The following F11 variants were observed in gnomAD, a reference collection of about 807,000 sequenced individuals.
The protein encoded by F11 is coagulation factor XI.
A neutral mutation model predicts 76.5 loss-of-function variants in F11; 78 were observed. That is an observed-to-expected ratio of 1.02 (90% CI 0.85 to 1.23). F11 has a LOEUF of 1.23. Among genes scored for constraint, F11 ranks in the 50% most tolerant of loss-of-function variants. The pLI is 0.00. For missense variants in F11, 742 were observed against 771.4 expected (o/e 0.96, Z 0.45); for synonymous variants, 278 against 276.3 (o/e 1.01, Z -0.06).
intron 2 of F11, among the ~76,000 whole-genome samples, chr4:186,270,461 G>C (rs561798912): frequency 2.0e-5 from 3 of 151,972 alleles, no homozygotes; most frequent in Non-Finnish European, 2.9e-5. Context: ...TATATTATGC[G>C]GCGGTGAAGT....
intron 7 of F11, among the ~76,000 whole-genome samples, chr4:186,276,834 C>T (rs1247139037): frequency 6.6e-6 from 1 of 152,032 alleles, no homozygotes; most frequent in Middle Eastern, 3.2e-3. Flanking sequence ...GGTGATCCAC[C>T]TGCCTCGGCC....
In F11 at chr4:186,271,590, G is replaced by T. The variant is rs1198389637; in HGVS notation, c.56-19G>T. ...CCCAGTAAAATCCAACATAACGCATGCCATGTACTACATCACAGAATGTGT... is the reference window on the plus strand; with the variant it reads ...CCCAGTAAAATCCAACATAACGCATTCCATGTACTACATCACAGAATGTGT... On this transcript the variant is annotated intron_variant, in intron 2 of 14. Coordinates refer to ENST00000403665, the MANE Select transcript of F11 (RefSeq NM_000128.4). 6.2e-7 allele frequency: 1 copy of T among 1,613,916 alleles called. No individual in the cohort carries two copies. Among genetic ancestry groups the T allele is most frequent in the Non-Finnish European group, 8.5e-7 (1 of 1,179,930 alleles).
rs1211810406 is a variant in F11 at position 186,287,673 on chromosome 4, AT to A, written c.1577-4del. 1.2e-6 allele frequency: 2 copies of A among 1,605,122 alleles called. No individual in the cohort carries two copies. The highest frequency in any genetic ancestry group is 8.5e-7 in the Non-Finnish European group (1 of 1,174,704). On this transcript the variant is annotated splice_polypyrimidine_tract_variant and intron_variant, in intron 13 of 14. Coordinates refer to ENST00000403665, the MANE Select transcript of F11 (RefSeq NM_000128.4). ...GTTATTCTACAAACGAACCAAAAAA[AT>A]TTTTTTCAGACAAAATACAAAATAC...
At chr4:186,274,361 G>A (rs1175195845) in intron 5 of F11, 86 bp downstream of exon 5, 2 of 1,558,060 alleles carry the variant, frequency 1.3e-6, no homozygotes, top group African/African-American at 2.7e-5. Flanking sequence ...CTTTATGCCA[G>A]AATTTATTTT....
At chr4:186,269,273 A>G (rs1212932305) in intron 2 of F11, among the ~76,000 whole-genome samples, 11 of 152,226 alleles carry the variant, frequency 7.2e-5, no homozygotes, top group Non-Finnish European at 1.3e-4. Context: ...AAGGGAAAGC[A>G]GGAACTCACA....
Position 186,285,780 on chromosome 4 carries a change from T to A in F11, c.1447T>A (p.Leu483Met). 1 of 1,614,180 alleles carries A rather than the reference T, an allele frequency of 6.2e-7. No individual in the cohort carries two copies. Among genetic ancestry groups the A allele is most frequent in the Non-Finnish European group, 8.5e-7 (1 of 1,180,024 alleles). Residue 483 changes from leucine (L) to methionine (M), a missense_variant, in exon 12 of 15, where the codon TTG becomes ATG. Leu to Met is a conservative substitution (Grantham distance 15, BLOSUM62 2). Coordinates refer to ENST00000403665, the MANE Select transcript of F11 (RefSeq NM_000128.4). ...KMAESGYDIA[L>M]LKLETTVNYT... ...GGCAGAAAGCGGGTATGATATTGCC[T>A]TGTTGAAACTGGAAACCACAGTGAA...
chr4:186,286,092 A>G (rs1741191389), intron 12 of F11: 6 of 537,378 alleles, frequency 1.1e-5, no homozygotes, highest in Non-Finnish European at 1.7e-5. Context: ...TAGTAAAGAT[A>G]ATTTAGTCTA....
intron 5 of F11, chr4:186,275,105 C>T (rs924330835): frequency 3.1e-5 from 14 of 452,758 alleles, no homozygotes; most frequent in Non-Finnish European, 4.0e-5. Context: ...TCAGCTCAGA[C>T]GACAGCTTTT....
chr4:186,281,842 A>G, intron 10 of F11: 1 of 1,197,464 alleles, frequency 8.4e-7, no homozygotes. Flanking sequence ...AGGCGAATCA[A>G]TCCTTAATTT....
intron 10 of F11, among the ~76,000 whole-genome samples, chr4:186,281,530 A>G (rs1288972613): frequency 1.3e-5 from 2 of 152,238 alleles, no homozygotes; most frequent in Admixed American, 6.5e-5. Flanking sequence ...ATTTCTGAGC[A>G]TAGTCACGAG....
At chr4:186,279,113 A>T (rs1033380865) in intron 7 of F11, among the ~76,000 whole-genome samples, 2 of 152,218 alleles carry the variant, frequency 1.3e-5, no homozygotes, top group African/African-American at 4.8e-5. Context: ...GGCTGGGTGC[A>T]GTGGCTCACG....
chr4:186,283,927 C>T (rs991601612), intron 10 of F11, 165 bp from the exon 11 acceptor site: 21 of 462,708 alleles, frequency 4.5e-5, no homozygotes, highest in Non-Finnish European at 5.4e-5. Context: ...TTCCATTTTT[C>T]ATGTGCATGT....
At chr4:186,285,184 C>A (rs2126777296) in intron 11 of F11, among the ~76,000 whole-genome samples, 1 of 152,224 alleles carries the variant, frequency 6.6e-6, no homozygotes, top group East Asian at 1.9e-4. Context: ...CAATCTGCAG[C>A]ACACTCATGT....
At chr4:186,281,266 T>C (rs1210652875) in intron 10 of F11, among the ~76,000 whole-genome samples, 6 of 152,208 alleles carry the variant, frequency 3.9e-5, no homozygotes, top group African/African-American at 7.2e-5. Context: ...GCACTTTGGT[T>C]AGTCAAATTA....
At chr4:186,286,996 T>C (rs1741252770) in intron 13 of F11, among the ~76,000 whole-genome samples, 1 of 152,090 alleles carries the variant, frequency 6.6e-6, no homozygotes, top group Non-Finnish European at 1.5e-5. Context: ...TGTTTTGAGA[T>C]GGACTCTCGC....
chr4:186,279,303 AC>A (rs1740604513), intron 7 of F11, among the ~76,000 whole-genome samples: 1 of 151,808 alleles, frequency 6.6e-6, no homozygotes, highest in Non-Finnish European at 1.5e-5. Flanking sequence ...AATCACTTGA[AC>A]CCGGGAGGCG....
chr4:186,284,150 G>A lies in F11; in HGVS notation c.1194G>A (p.Glu398=), dbSNP rs768306785. The change falls in exon 11 of 15, where the codon GAG becomes GAA. Residue 398 remains glutamate (E), a synonymous_variant. Transcript: ENST00000403665. ...GAGGAACTGCGTCTGTTCGTGGTGA[G>A]TGGCCGTGGCAGGTGACCCTGCACA... ...IVGGTASVRG[E]WPWQVTLHTT... is the part of the protein sequence containing the mutation. 21 of 1,614,108 alleles carry A rather than the reference G, an allele frequency of 1.3e-5. No individual in the cohort carries two copies. In the South Asian group the frequency reaches 1.8e-4, roughly 14 times the overall value.
rs1262002209 is a variant in F11, at chr4:186,276,363, C to T, written c.728C>T (p.Ser243Phe). 27 of 1,613,820 alleles carry T rather than the reference C, an allele frequency of 1.7e-5. No homozygotes were observed. The highest frequency in any genetic ancestry group is 2.3e-5 in the Non-Finnish European group (27 of 1,179,990). Residue 243 changes from serine to phenylalanine, a missense_variant, in exon 7 of 15, where the codon TCC becomes TTC. Ser to Phe is a radical substitution (Grantham distance 155, BLOSUM62 -2). Coordinates refer to ENST00000403665, the MANE Select transcript of F11 (RefSeq NM_000128.4). ...GGTTGCTTGTTTTTTACCTTCTTTT[C>T]CCAGGAATGGCCCAAAGAATCTCAA... ...HPGCLFFTFF[S>F]QEWPKESQRN...
At chr4:186,282,736 T>C (rs1273794427) in intron 10 of F11, 2 of 985,254 alleles carry the variant, frequency 2.0e-6, no homozygotes, top group African/African-American at 3.5e-5. Context: ...AAAATGAATG[T>C]TCACCCTTCC....
Sources: gnomAD v4.1 joint callset for allele counts (sites outside exome capture counted in the v4.1 genomes callset) on GRCh38, gnomAD v4.1.1 for gene constraint, MANE v1.5 for transcripts, NCBI Gene and HGNC (gene_info 2026-07-23, HGNC 2026-07-21) for gene names.